The following GALK2 variants were observed in gnomAD, a reference collection of about 807,000 sequenced individuals.
GALK2 encodes the protein galactokinase 2, also known as N-acetylgalactosamine kinase.
A neutral mutation model predicts 52.4 loss-of-function variants in GALK2; 36 were observed. The ratio of observed to expected loss-of-function variants is 0.69; its 90% CI spans 0.53 to 0.91. GALK2 has a LOEUF of 0.91. Ranked by LOEUF, GALK2 falls within the 40% of genes least tolerant of loss-of-function variation. The pLI, the probability that GALK2 is intolerant of heterozygous loss-of-function variation, is 0.00. For missense variants in GALK2, 579 were observed against 559.1 expected (o/e 1.04, Z -0.36); for synonymous variants, 176 against 199.1 (o/e 0.88, Z 0.98).
chr15:49,208,713 T>C (rs184159925), intron 2 of GALK2, among the ~76,000 whole-genome samples: 2 of 152,212 alleles, frequency 1.3e-5, no homozygotes, highest in Non-Finnish European at 2.9e-5. Flanking sequence ...CTTTGTTGAC[T>C]TTCTGTCTTG....
intron 7 of GALK2, among the ~76,000 whole-genome samples, chr15:49,286,237 C>G (rs1476395848): frequency 6.6e-6 from 1 of 152,208 alleles, no homozygotes; most frequent in Middle Eastern, 3.2e-3. Flanking sequence ...CTTGTTAACT[C>G]TTATATCCCT....
chr15:49,329,766 G>C lies in GALK2; in HGVS notation c.*1607G>C. 1 of 948,490 alleles carries C rather than the reference G, an allele frequency of 1.1e-6. No homozygotes were observed. The highest frequency in any genetic ancestry group is 4.9e-5 in the South Asian group (1 of 20,468). 58.8% of individuals were successfully genotyped at this position (948,490 alleles called of 1,614,324 possible). Reference sequence around the variant, plus strand: ...CCGTGCCATTTTCCACAAAGGATTTGTGGTTGGTATATAATTCTTTAAAGA... The same window carrying C: ...CCGTGCCATTTTCCACAAAGGATTTCTGGTTGGTATATAATTCTTTAAAGA... On this transcript the variant is annotated 3_prime_UTR_variant, in exon 10 of 10. Transcript: ENST00000560031.
At position 49,204,417 on chromosome 15, in the gene GALK2, T is replaced by TA. The variant is rs2088089784; in HGVS notation, c.142+3167_142+3168insA. ...ATCATACGAGGAATTGCATTGAATC[T>TA]GTAGTAGTATGGTCATTTTAACAAT... On this transcript the variant is annotated intron_variant, in intron 2 of 9. Transcript: ENST00000560031. 1.1e-4 allele frequency among the ~76,000 whole-genome samples: 17 copies of TA among 152,216 alleles called. No homozygotes were observed. The South Asian group carries it at 3.3e-3, about 30-fold the overall frequency.
Position 49,331,543 on chromosome 15 carries a change from T to G in GALK2, c.*3384T>G. ...TCTAACTGCATTTGGAGCTTTTCAGTTACATAAACTGTTCCTGGTCAGAAG... is the reference window on the plus strand; with the variant it reads ...TCTAACTGCATTTGGAGCTTTTCAGGTACATAAACTGTTCCTGGTCAGAAG... On this transcript the variant is annotated 3_prime_UTR_variant, in exon 10 of 10. Transcript: ENST00000560031. 2.3e-6 allele frequency: 1 copy of G among 438,416 alleles called. No homozygotes were observed. The highest frequency in any genetic ancestry group is 2.0e-5 in the African/African-American group (1 of 50,286). The allele number at this position is 438,416 out of a possible 1,614,324, so 27.2% of individuals were successfully genotyped here. A position where few individuals can be genotyped will look rare whatever the true frequency, so the allele number is the denominator to read the frequency against.
chr15:49,300,446 A>G (rs534577875), intron 8 of GALK2, among the ~76,000 whole-genome samples: 27 of 152,198 alleles, frequency 1.8e-4, no homozygotes, highest in Non-Finnish European at 2.4e-4. Context: ...TTCCAAGCTA[A>G]TATTGACATT....
intron 1 of GALK2, 77 bp downstream of exon 1, chr15:49,170,452 C>T: frequency 7.0e-7 from 1 of 1,437,762 alleles, no homozygotes; most frequent in Non-Finnish European, 9.5e-7. Context: ...CACTTGGCTC[C>T]TCCCTTGGGG....
At chr15:49,191,368 T>A (rs954066179) in intron 1 of GALK2, among the ~76,000 whole-genome samples, 3 of 152,098 alleles carry the variant, frequency 2.0e-5, no homozygotes, top group African/African-American at 7.2e-5. Context: ...AGATAACAAC[T>A]TAGTTTTGGT....
rs2037984961 is a variant in GALK2, at chr15:49,328,763, A to G, written c.*604A>G. 1.4e-6 allele frequency: 2 copies of G among 1,444,914 alleles called. No individual in the cohort carries two copies. Among genetic ancestry groups the G allele is most frequent in the East Asian group, 5.1e-5 (2 of 39,436 alleles). 89.5% of individuals were successfully genotyped at this position (1,444,914 alleles called of 1,614,324 possible). On this transcript the variant is annotated 3_prime_UTR_variant, in exon 10 of 10. Coordinates refer to ENST00000560031, the MANE Select transcript of GALK2 (RefSeq NM_002044.4). The stretch of plus-strand genomic sequence containing the variant: ...GAATGTGAGATTTCTCCAGTTATCA[A>G]GAGACTAAGGATTTTTTTTTTTTTT...
At chr15:49,178,181 A>T (rs865930893) in intron 1 of GALK2, among the ~76,000 whole-genome samples, 6 of 70,308 alleles carry the variant, frequency 8.5e-5, no homozygotes, top group East Asian at 4.0e-4. Context: ...AAAAAAAAAA[A>T]AAAAAAAGAA....
intron 1 of GALK2, among the ~76,000 whole-genome samples, chr15:49,182,372 A>G (rs2086040471): frequency 6.6e-6 from 1 of 152,194 alleles, no homozygotes; most frequent in Non-Finnish European, 1.5e-5. Context: ...TGTATATGCC[A>G]CATTTCTTTA....
chr15:49,298,149 A>G (rs2034647633), intron 8 of GALK2, among the ~76,000 whole-genome samples: 1 of 152,112 alleles, frequency 6.6e-6, no homozygotes, highest in Admixed American at 6.6e-5. Flanking sequence ...GGTTAACTAT[A>G]TTCCTAAGTA....
Position 49,177,985 on chromosome 15 carries a change from G to A in GALK2, c.53+7610G>A, listed in dbSNP as rs375567525. The stretch of plus-strand genomic sequence containing the variant: ...AGCCTGGCCAACATGGTGAAACCGC[G>A]TTTCTACTAAACAAAAATTACAAAA... On this transcript the variant is annotated intron_variant, in intron 1 of 9. Coordinates refer to ENST00000560031, the MANE Select transcript of GALK2 (RefSeq NM_002044.4). 2.3e-4 allele frequency: 35 copies of A among 153,550 alleles called. No individual in the cohort carries two copies. In the South Asian group the frequency reaches 5.9e-3, roughly 26 times the overall value. 9.5% of individuals were successfully genotyped at this position (153,550 alleles called of 1,614,324 possible).
At chr15:49,170,229 A>C (rs2084968951), upstream of GALK2, 19 of 1,534,246 alleles carry the variant, frequency 1.2e-5, no homozygotes, top group Admixed American at 2.0e-5. Context: ...TATCTCCCGG[A>C]AGAAAACGGC....
intron 2 of GALK2, among the ~76,000 whole-genome samples, chr15:49,203,209 C>G (rs1403813084): frequency 6.6e-6 from 1 of 152,050 alleles, no homozygotes; most frequent in Non-Finnish European, 1.5e-5. Context: ...TGCCACCATG[C>G]CCAGGTAATT....
chr15:49,293,981 TC>T (rs1450512573), intron 8 of GALK2, among the ~76,000 whole-genome samples: 1 of 151,862 alleles, frequency 6.6e-6, no homozygotes, highest in African/African-American at 2.4e-5. Context: ...GCACCTGTAA[TC>T]CCAGCTAGTC....
chr15:49,356,100 TG>T (rs1411779832), intron 3 of GALK2, among the ~76,000 whole-genome samples: 1 of 151,708 alleles, frequency 6.6e-6, no homozygotes, highest in Non-Finnish European at 1.5e-5. Context: ...GCACTAAACA[TG>T]GAAAGGAACA....
chr15:49,224,993 G>T (rs76850011), intron 3 of GALK2, among the ~76,000 whole-genome samples: 9,178 of 152,208 alleles, frequency 0.06, 552 homozygotes, highest in African/African-American at 0.15. Flanking sequence ...GTTTTAATTT[G>T]GGATGTGATC....
intron 1 of GALK2, among the ~76,000 whole-genome samples, chr15:49,173,211 G>T (rs1364431480): frequency 6.6e-6 from 1 of 152,076 alleles, no homozygotes; most frequent in Non-Finnish European, 1.5e-5. Flanking sequence ...TGTTCTGAAG[G>T]TTCATGTATC....
chr15:49,189,535 T>G (rs1352304271), intron 1 of GALK2, among the ~76,000 whole-genome samples: 3 of 152,174 alleles, frequency 2.0e-5, no homozygotes, highest in Non-Finnish European at 4.4e-5. Flanking sequence ...AAATTAGGCA[T>G]AGCAAGAGAT....
Sources: gnomAD v4.1 joint callset for allele counts (sites outside exome capture counted in the v4.1 genomes callset) on GRCh38, gnomAD v4.1.1 for gene constraint, MANE v1.5 for transcripts, NCBI Gene and HGNC (gene_info 2026-07-23, HGNC 2026-07-21) for gene names.